The following OVCH2 variants were observed in gnomAD, a reference collection of about 807,000 sequenced individuals.
The protein encoded by OVCH2 is ovochymase 2.
A neutral mutation model predicts 73.7 loss-of-function variants in OVCH2; 88 were observed. That is an observed-to-expected ratio of 1.19 (90% CI 1.01 to 1.43). OVCH2 has a LOEUF of 1.43. Among genes scored for constraint, OVCH2 ranks in the 40% most tolerant of loss-of-function variants. The probability of loss-of-function intolerance (pLI) is 0.00; values close to 1 mark genes in which losing one functional copy is unlikely to be tolerated. For synonymous variants in OVCH2, 265 were observed against 234.5 expected (o/e 1.13, Z -1.19); for missense variants, 706 against 674.5 (o/e 1.05, Z -0.52).
chr11:7,680,009 G>C, the OVCH2 span, among the ~76,000 whole-genome samples: 1 of 151,944 alleles, frequency 6.6e-6, no homozygotes, highest in Non-Finnish European at 1.5e-5. Context: ...CCATCTGGCT[G>C]TTCGACTGTG....
chr11:7,687,606 A>T (rs1232897425), downstream of OVCH2, among the ~76,000 whole-genome samples: 1 of 152,040 alleles, frequency 6.6e-6, no homozygotes, highest in Non-Finnish European at 1.5e-5. Context: ...TGACTCACTG[A>T]GGTTACCTAC....
chr11:7,694,365 C>T (rs1006849461), intron 12 of OVCH2, among the ~76,000 whole-genome samples: 1 of 152,254 alleles, frequency 6.6e-6, no homozygotes, highest in Admixed American at 6.5e-5. Context: ...GTGACTTCCA[C>T]CTTGCCTTCC....
chr11:7,703,442 G>A (rs10839851), intron 3 of OVCH2, among the ~76,000 whole-genome samples: 6,266 of 151,638 alleles, frequency 0.041, 306 homozygotes, highest in East Asian at 0.24. Context: ...TTTTTTTTCT[G>A]ACTTGGATGC....
At chr11:7,681,515 G>A in the OVCH2 span, among the ~76,000 whole-genome samples, 1 of 152,202 alleles carries the variant, frequency 6.6e-6, no homozygotes, top group African/African-American at 2.4e-5. Flanking sequence ...GTTGGGAAGA[G>A]TCAACAGAAC....
In OVCH2 at chr11:7,695,113, CTG is replaced by C. The variant is rs1856302875; in HGVS notation, c.1356_1357del (p.Tyr452Ter). On this transcript the variant is annotated stop_gained and frameshift_variant, in exon 12 of 16. Coordinates refer to ENST00000533663, the MANE Select transcript of OVCH2 (RefSeq NM_198185.7). LOFTEE classifies it high-confidence loss of function. ...AATCCAGTCACAGTTAGCCTTGTCA[CTG>C]TAGTTTTCAGGATAGTTTAGACTCT... The C allele has an allele frequency of 2.6e-6, 4 of 1,552,872 alleles. No homozygotes were observed. The highest frequency in any genetic ancestry group is 1.4e-5 in the African/African-American group (1 of 73,130).
chr11:7,686,165 G>A (rs1386198684), downstream of OVCH2, among the ~76,000 whole-genome samples: 1 of 152,196 alleles, frequency 6.6e-6, no homozygotes, highest in Non-Finnish European at 1.5e-5. Context: ...TCTGGTAGAA[G>A]GTTGCTGAGG....
downstream of OVCH2, among the ~76,000 whole-genome samples, chr11:7,685,958 T>C (rs1439709719): frequency 3.3e-5 from 5 of 152,166 alleles, no homozygotes; most frequent in Admixed American, 6.5e-5. Context: ...AAAGGCCAGG[T>C]TGTCATTGAA....
At chr11:7,692,657 G>A (rs956841368) in intron 12 of OVCH2, among the ~76,000 whole-genome samples, 1 of 152,164 alleles carries the variant, frequency 6.6e-6, no homozygotes, top group Non-Finnish European at 1.5e-5. Context: ...TCATGAATGT[G>A]CATGAAAAAG....
At chr11:7,705,430 T>A (rs1431189448) in intron 1 of OVCH2, 1 of 152,236 alleles carries the variant, frequency 6.6e-6, no homozygotes, top group African/African-American at 2.4e-5. Context: ...AAGTAAGCAC[T>A]TAGAAACACT....
chr11:7,702,735 T>A (rs1300425108), intron 3 of OVCH2, among the ~76,000 whole-genome samples: 1 of 152,196 alleles, frequency 6.6e-6, no homozygotes, highest in Non-Finnish European at 1.5e-5. Context: ...GCTACTTCAA[T>A]GTCAGAGATC....
At position 7,689,490 on chromosome 11, in the gene OVCH2, A is replaced by G. The variant is rs143600817; in HGVS notation, c.*144T>C. On this transcript the variant is annotated 3_prime_UTR_variant, in exon 16 of 16. Coordinates refer to ENST00000533663, the MANE Select transcript of OVCH2 (RefSeq NM_198185.7). ...TCATAGTTCTGGAGGCTAGAAGTCC[A>G]AGATCAACGTGTCAGCAGGGATGGC... 501 of 358,634 alleles carry G rather than the reference A, an allele frequency of 1.4e-3. 3 individuals are homozygous for G. The highest frequency in any genetic ancestry group is 4.8e-3 in the African/African-American group (226 of 47,340). The allele number at this position is 358,634 out of a possible 1,614,324, so 22.2% of individuals were successfully genotyped here. A position where few individuals can be genotyped will look rare whatever the true frequency, so the allele number is the denominator to read the frequency against.
rs747309839 is a variant in OVCH2, at chr11:7,692,006, A to T, written c.1414-11T>A. On this transcript the variant is annotated splice_polypyrimidine_tract_variant and intron_variant, in intron 12 of 15. Coordinates refer to ENST00000533663, the MANE Select transcript of OVCH2 (RefSeq NM_198185.7). ...ACTCTGAAATGAAAGCTGAGAAGACACGAAGTTACATCCAGAGTAAACAAT... is the reference window on the plus strand; with the variant it reads ...ACTCTGAAATGAAAGCTGAGAAGACTCGAAGTTACATCCAGAGTAAACAAT... The T allele has an allele frequency of 1.3e-6, 2 of 1,536,636 alleles. No homozygotes were observed. The highest frequency in any genetic ancestry group is 1.8e-6 in the Non-Finnish European group (2 of 1,131,820).
At chr11:7,695,944 T>G (rs4132089) in intron 10 of OVCH2, among the ~76,000 whole-genome samples, 44,090 of 152,174 alleles carry the variant, frequency 0.29, 6,646 homozygotes, top group Non-Finnish European at 0.33. Context: ...ATTCCTGCCC[T>G]TGTGACAACT....
Position 7,700,347 on chromosome 11 carries a change from A to G in OVCH2, c.850T>C (p.Phe284Leu), listed in dbSNP as rs1453990905. ...RKSDQGSPGIFTDISKVLPWI... is the reference protein window; with the variant it reads ...RKSDQGSPGILTDISKVLPWI... ...GGAAGCACTTTACTAATGTCTGTGA[A>G]GATCCCAGGGGATCCTTGATCACTT... is the stretch of plus-strand genomic sequence containing the variant. Residue 284 changes from phenylalanine to leucine, a missense_variant, in exon 7 of 16, where the codon TTC becomes CTC. Phe to Leu is a conservative substitution (Grantham distance 22, BLOSUM62 0). Coordinates refer to ENST00000533663, the MANE Select transcript of OVCH2 (RefSeq NM_198185.7). 6.2e-7 allele frequency: 1 copy of G among 1,613,790 alleles called. No individual in the cohort carries two copies. Among genetic ancestry groups the G allele is most frequent in the Admixed American group, 1.7e-5 (1 of 59,978 alleles).
chr11:7,688,829 C>G (rs1458366740), downstream of OVCH2, among the ~76,000 whole-genome samples: 1 of 152,210 alleles, frequency 6.6e-6, no homozygotes, highest in Admixed American at 6.5e-5. Flanking sequence ...CCCAGAACTT[C>G]TCAATGCTCA....
At position 7,693,404 on chromosome 11, in the gene OVCH2, A is replaced by G. The variant is rs115461888; in HGVS notation, c.1414-1409T>C. On this transcript the variant is annotated intron_variant, in intron 12 of 15. Coordinates refer to ENST00000533663, the MANE Select transcript of OVCH2 (RefSeq NM_198185.7). ...GTCAAATGGTGAGCATATTCCTATGACTTTTAACACCAGTTTCCAAATTAC... is the reference window on the plus strand; with the variant it reads ...GTCAAATGGTGAGCATATTCCTATGGCTTTTAACACCAGTTTCCAAATTAC... Among the ~76,000 whole-genome samples the G allele has an allele frequency of 8.7e-3, 1,328 of 152,296 alleles. 18 individuals are homozygous for G. The highest frequency in any genetic ancestry group is 0.031 in the African/African-American group (1,270 of 41,556).
intron 14 of OVCH2, among the ~76,000 whole-genome samples, chr11:7,690,224 C>G (rs143625906): frequency 6.6e-6 from 1 of 152,246 alleles, no homozygotes; most frequent in East Asian, 1.9e-4. Context: ...GAATGAACAA[C>G]TTGGAAAGCA....
At chr11:7,704,723 G>A in intron 1 of OVCH2, 49 bp from the exon 2 acceptor site, 1 of 1,291,474 alleles carries the variant, frequency 7.7e-7, no homozygotes, top group Middle Eastern at 1.8e-4. Flanking sequence ...TTCTAGGATT[G>A]AGGTAATATC....
chr11:7,706,431 G>C lies in OVCH2; in HGVS notation c.-37C>G, dbSNP rs1023701030. 6.5e-7 allele frequency: 1 copy of C among 1,532,184 alleles called. No homozygotes were observed. The highest frequency in any genetic ancestry group is 8.8e-7 in the Non-Finnish European group (1 of 1,141,722). The allele number at this position is 1,532,184 out of a possible 1,614,324, so 94.9% of individuals were successfully genotyped here. The stretch of plus-strand genomic sequence containing the variant: ...TAGTTTTTCCCTGAAATTTTAGAGA[G>C]ACTAAAGCAAACAAAAATAGGAAGC... On this transcript the variant is annotated 5_prime_UTR_variant, in exon 1 of 16. Coordinates refer to ENST00000533663, the MANE Select transcript of OVCH2 (RefSeq NM_198185.7).
Sources: gnomAD v4.1 joint callset for allele counts (sites outside exome capture counted in the v4.1 genomes callset) on GRCh38, gnomAD v4.1.1 for gene constraint, MANE v1.5 for transcripts, NCBI Gene and HGNC (gene_info 2026-07-23, HGNC 2026-07-21) for gene names.